RCBTB2: variants seen among roughly 807,000 people sequenced by gnomAD.
RCBTB2 encodes the protein RCC1 and BTB domain containing protein 2.
Under a neutral mutation model 65.4 loss-of-function variants are expected in RCBTB2, and 55 were observed. The observed-to-expected ratio is 0.84, with a 90% CI of 0.68 to 1.05. The LOEUF (loss-of-function observed/expected upper bound fraction) is 1.05, where lower values mean the gene tolerates loss of function less well. RCBTB2 is among the 50% of genes least tolerant of loss of function. RCBTB2 has a pLI of 0.00. For missense variants in RCBTB2, 599 were observed against 680.1 expected, an observed-to-expected ratio of 0.88 and a Z score of 1.33; for synonymous variants, 220 against 255.2, an observed-to-expected ratio of 0.86 and a Z score of 1.31.
intron 4 of RCBTB2, among the ~76,000 whole-genome samples, chr13:48,518,165 T>C (rs1342208111): frequency 5.9e-5 from 9 of 152,100 alleles, no homozygotes; most frequent in Non-Finnish European, 1.2e-4. Flanking sequence ...ATTTCTGTTG[T>C]TTGAATTGTA....
At chr13:48,511,980 A>C in intron 8 of RCBTB2, 36 bp downstream of exon 8, 1 of 1,609,010 alleles carries the variant, frequency 6.2e-7, no homozygotes, top group Non-Finnish European at 8.5e-7. Flanking sequence ...TGTGGCAAAC[A>C]CGGTTTTTAA....
chr13:48,493,259 A>ACACACACACACACACACC (rs1555297731), intron 14 of RCBTB2, among the ~76,000 whole-genome samples: 1 of 121,754 alleles, frequency 8.2e-6, no homozygotes, highest in African/African-American at 3.4e-5. Context: ...ACACACACAC[A>ACACACACACACACACACC]CTCTTCTCTC....
At position 48,521,888 on chromosome 13, in the gene RCBTB2, T is replaced by A; in HGVS notation, c.42+10A>T. ...ACACACATGCTCCAAGGGCATGATT[T>A]TTTTCTAACCTTGCCACTGTCTCCA... is the stretch of plus-strand genomic sequence containing the variant. On this transcript the variant is annotated intron_variant, in intron 4 of 14. Coordinates refer to ENST00000344532, the MANE Select transcript of RCBTB2 (RefSeq NM_001268.4). The A allele has an allele frequency of 6.2e-7, 1 of 1,613,518 alleles. No individual in the cohort carries two copies.
intron 10 of RCBTB2, among the ~76,000 whole-genome samples, chr13:48,505,035 G>T (rs960809270): frequency 1.3e-5 from 2 of 150,768 alleles, no homozygotes; most frequent in Non-Finnish European, 3.0e-5. Context: ...ACCTAGGTTT[G>T]TTTTTTATTT....
chr13:48,510,507 A>G (rs534199672), intron 10 of RCBTB2, 122 bp downstream of exon 10: 1 of 1,178,700 alleles, frequency 8.5e-7, no homozygotes, highest in Non-Finnish European at 1.2e-6. Flanking sequence ...AGGAATAAAT[A>G]CTCTTGTTAA....
intron 1 of RCBTB2, 165 bp downstream of exon 1, chr13:48,532,863 T>C (rs1473968136): frequency 2.6e-6 from 1 of 389,730 alleles, no homozygotes; most frequent in Non-Finnish European, 5.2e-6. Context: ...CCTAGGCCTG[T>C]GGCACGGTCG....
At chr13:48,529,582 A>G (rs1951992729) in intron 1 of RCBTB2, among the ~76,000 whole-genome samples, 1 of 152,224 alleles carries the variant, frequency 6.6e-6, no homozygotes, top group African/African-American at 2.4e-5. Context: ...TCTAATGTCA[A>G]ATTAATGCTG....
chr13:48,493,313 ACACTCTCTCTCTCT>A (rs1949808163), intron 14 of RCBTB2, among the ~76,000 whole-genome samples: 8 of 60,144 alleles, frequency 1.3e-4, no homozygotes, highest in African/African-American at 4.3e-4. Context: ...ACACACACAC[ACACTCTCTCTCTCT>A]CTCTCTCTCT....
Position 48,515,272 on chromosome 13 carries a change from A to G in RCBTB2, c.282T>C (p.Ser94=). The change falls in exon 6 of 15, where the codon TCT becomes TCC. Residue 94 remains serine (S), a synonymous_variant. Coordinates refer to ENST00000344532, the MANE Select transcript of RCBTB2 (RefSeq NM_001268.4). Reference sequence around the variant, plus strand: ...GGCAGGCTATTTTTTTGCCATTTAAAGAATCCAGTCTCCGAGGTTCAATGG... The same window carrying G: ...GGCAGGCTATTTTTTTGCCATTTAAGGAATCCAGTCTCCGAGGTTCAATGG... ...QSTIEPRRLD[S]LNGKKIACLS... is the part of the protein sequence containing the mutation. 1 of 1,614,200 alleles carries G rather than the reference A, an allele frequency of 6.2e-7. No individual in the cohort carries two copies. Among genetic ancestry groups the G allele is most frequent in the Non-Finnish European group, 8.5e-7 (1 of 1,180,008 alleles).
At chr13:48,501,482 C>T (rs552673749) in intron 12 of RCBTB2, among the ~76,000 whole-genome samples, 8 of 152,264 alleles carry the variant, frequency 5.3e-5, no homozygotes, top group South Asian at 4.1e-4. Flanking sequence ...TTGGAGCGTG[C>T]GCTGGCTGCT....
Position 48,533,013 on chromosome 13 carries a change from C to T in RCBTB2, c.-219+15G>A, listed in dbSNP as rs1437845937. On this transcript the variant is annotated intron_variant, in intron 1 of 14. Transcript: ENST00000344532. ...ATCCCCCTCGGCCTCCCACACCACT[C>T]CTCCACCCTCTTACCTCCTCGCAGG... 2 of 455,684 alleles carry T rather than the reference C, an allele frequency of 4.4e-6. No homozygotes were observed. The highest frequency in any genetic ancestry group is 4.7e-5 in the Admixed American group (2 of 42,564). 28.2% of individuals were successfully genotyped at this position (455,684 alleles called of 1,614,324 possible). A position where few individuals can be genotyped will look rare whatever the true frequency, so the allele number is the denominator to read the frequency against.
chr13:48,518,575 AT>A (rs1951236670), intron 4 of RCBTB2, among the ~76,000 whole-genome samples: 1 of 150,698 alleles, frequency 6.6e-6, no homozygotes, highest in South Asian at 2.1e-4. Flanking sequence ...TCAAAAAAAA[AT>A]CTCACATATG....
chr13:48,522,447 T>A lies in RCBTB2; in HGVS notation c.-119-44A>T, dbSNP rs1056527449. On this transcript the variant is annotated intron_variant, in intron 2 of 14. Coordinates refer to ENST00000344532, the MANE Select transcript of RCBTB2 (RefSeq NM_001268.4). ...AAATGAATGAAAATGATGAAAAAAA[T>A]GAATGAATGAATGTGGCTTTGTTAT... 21 of 847,494 alleles carry A rather than the reference T, an allele frequency of 2.5e-5. 1 individual carries two copies. Among genetic ancestry groups the A allele is most frequent in the South Asian group, 3.0e-5 (2 of 65,754 alleles). The allele number at this position is 847,494 out of a possible 1,614,324, so 52.5% of individuals were successfully genotyped here.
intron 4 of RCBTB2, among the ~76,000 whole-genome samples, chr13:48,521,694 G>T (rs1031681109): frequency 6.6e-6 from 1 of 152,160 alleles, no homozygotes; most frequent in African/African-American, 2.4e-5. Context: ...CTCTTAACCT[G>T]AGGTATATCA....
intron 4 of RCBTB2, among the ~76,000 whole-genome samples, chr13:48,518,472 A>AATATATAT (rs779789935): frequency 5.1e-4 from 60 of 116,584 alleles, no homozygotes; most frequent in South Asian, 1.5e-3. Flanking sequence ...AAAAAAAAAA[A>AATATATAT]ATATATATAT....
intron 6 of RCBTB2, among the ~76,000 whole-genome samples, chr13:48,513,422 C>T (rs1041334071): frequency 3.9e-5 from 6 of 152,146 alleles, no homozygotes; most frequent in Non-Finnish European, 7.4e-5. Context: ...AAAAGGCCCT[C>T]ACATATGCAT....
chr13:48,535,677 T>C (rs2138697141), upstream of RCBTB2: 1 of 456,704 alleles, frequency 2.2e-6, no homozygotes, highest in Middle Eastern at 3.3e-4. Flanking sequence ...TTTTCCATTA[T>C]CTCACCTGAA....
At chr13:48,511,572 G>A (rs768862908) in intron 9 of RCBTB2, among the ~76,000 whole-genome samples, 198 bp downstream of exon 9, 1 of 152,200 alleles carries the variant, frequency 6.6e-6, no homozygotes, top group Non-Finnish European at 1.5e-5. Context: ...CAAAAGGTAT[G>A]TGACAGTGCC....
intron 10 of RCBTB2, among the ~76,000 whole-genome samples, chr13:48,506,729 G>T (rs889448728): frequency 7.9e-5 from 12 of 152,218 alleles, no homozygotes; most frequent in Non-Finnish European, 1.8e-4. Flanking sequence ...TGGGAGCAGG[G>T]GAGGTTAGGG....
Sources: gnomAD v4.1 joint callset for allele counts (sites outside exome capture counted in the v4.1 genomes callset) on GRCh38, gnomAD v4.1.1 for gene constraint, MANE v1.5 for transcripts, NCBI Gene and HGNC (gene_info 2026-07-23, HGNC 2026-07-21) for gene names.